ZBTB8A: variants seen among roughly 807,000 people sequenced by gnomAD.
The protein encoded by ZBTB8A is zinc finger and BTB domain containing 8A, also known as zinc finger and BTB domain-containing protein 8A.
ZBTB8A carries 19 observed loss-of-function variants against 37.8 expected under a neutral mutation model. The ratio of observed to expected loss-of-function variants is 0.50; its 90% CI spans 0.35 to 0.74. ZBTB8A has a LOEUF of 0.74. ZBTB8A is among the 30% of genes least tolerant of loss of function. The pLI is 0.01. For synonymous variants in ZBTB8A, 181 were observed against 185.2 expected (o/e 0.98, Z 0.19); for missense variants, 394 against 537.8 (o/e 0.73, Z 2.65).
intron 2 of ZBTB8A, among the ~76,000 whole-genome samples, chr1:32,563,463 C>CT (rs1164183027): frequency 6.6e-6 from 1 of 151,840 alleles, no homozygotes; most frequent in Non-Finnish European, 1.5e-5. Context: ...CTTTTTCTTT[C>CT]TTTTTTTTCT....
chr1:32,580,432 C>A (rs1312286589), intron 2 of ZBTB8A, among the ~76,000 whole-genome samples: 1 of 151,864 alleles, frequency 6.6e-6, no homozygotes, highest in African/African-American at 2.4e-5. Context: ...TGCCTATAGT[C>A]CCAGCTATTA....
In ZBTB8A at chr1:32,593,562, A is replaced by G. The variant is rs751583612; in HGVS notation, c.631A>G (p.Lys211Glu). The change falls in exon 3 of 5, where the codon AAA becomes GAA. Residue 211 changes from lysine (K) to glutamate (E), a missense_variant. Around this residue, in one of 4 missense-constraint regions of ZBTB8A, gnomAD observed 171 missense variants for 186.8 expected, o/e 0.92. Coordinates refer to ENST00000373510, the MANE Select transcript of ZBTB8A (RefSeq NM_001040441.3). ...EPRKESIKKT[K>E]HLRLSQPSEV... ...AAGGAAAGAGTCCATTAAAAAGACCAAACATTTGAGATTGTCACAGCCTTC... is the reference window on the plus strand; with the variant it reads ...AAGGAAAGAGTCCATTAAAAAGACCGAACATTTGAGATTGTCACAGCCTTC... 6.2e-7 allele frequency: 1 copy of G among 1,614,246 alleles called. No homozygotes were observed. The highest frequency in any genetic ancestry group is 8.5e-7 in the Non-Finnish European group (1 of 1,180,038).
rs1457404032 is a variant in ZBTB8A at position 32,539,532 on chromosome 1, TCGGCCCGCGCGCGCGAC to T, written c.-118_-102del. 12 of 150,882 alleles carry T rather than the reference TCGGCCCGCGCGCGCGAC, an allele frequency of 8.0e-5. No homozygotes were observed. Among genetic ancestry groups the T allele is most frequent in the African/African-American group, 1.7e-4 (7 of 41,144 alleles). The allele number at this position is 150,882 out of a possible 1,614,324, so 9.3% of individuals were successfully genotyped here. On this transcript the variant is annotated 5_prime_UTR_variant, in exon 1 of 5. Transcript: ENST00000373510. ...CCAGCCGAGAACCAGGAATCTTCCC[TCGGCCCGCGCGCGCGAC>T]CGGCCGGTGCGCCGCGGCCCGCGGT...
chr1:32,569,593 C>T (rs1035309439), intron 2 of ZBTB8A, among the ~76,000 whole-genome samples: 4 of 151,626 alleles, frequency 2.6e-5, no homozygotes, highest in African/African-American at 7.3e-5. Context: ...GTTGTTTCAC[C>T]GTGTTAGCCA....
At chr1:32,546,764 C>G (rs925987988) in intron 1 of ZBTB8A, among the ~76,000 whole-genome samples, 2 of 152,192 alleles carry the variant, frequency 1.3e-5, no homozygotes, top group Admixed American at 1.3e-4. Context: ...TGCTTTGAAT[C>G]CTGTGGCTCT....
chr1:32,549,845 CT>C (rs1570312619), intron 1 of ZBTB8A, among the ~76,000 whole-genome samples: 1 of 152,316 alleles, frequency 6.6e-6, no homozygotes, highest in East Asian at 1.9e-4. Context: ...AATCATGAAG[CT>C]TTTGACACTG....
intron 4 of ZBTB8A, among the ~76,000 whole-genome samples, chr1:32,596,905 A>G (rs1050161642): frequency 6.6e-6 from 1 of 152,180 alleles, no homozygotes; most frequent in African/African-American, 2.4e-5. Flanking sequence ...TCACCACTGT[A>G]GATACTCAGC....
intron 2 of ZBTB8A, among the ~76,000 whole-genome samples, chr1:32,559,542 C>T (rs1401454548): frequency 6.6e-6 from 1 of 152,080 alleles, no homozygotes; most frequent in Non-Finnish European, 1.5e-5. Flanking sequence ...CGGCTCGCTG[C>T]AGCCTCAACC....
intron 2 of ZBTB8A, among the ~76,000 whole-genome samples, chr1:32,563,078 A>G (rs1328966635): frequency 6.6e-6 from 1 of 152,170 alleles, no homozygotes; most frequent in Non-Finnish European, 1.5e-5. Context: ...ACATCCTTAC[A>G]AGGTACTTTA....
chr1:32,562,568 GCTTT>G, intron 2 of ZBTB8A, among the ~76,000 whole-genome samples: 1 of 137,556 alleles, frequency 7.3e-6, no homozygotes, highest in South Asian at 2.3e-4. Flanking sequence ...ACCGCGTCCG[GCTTT>G]TTTTTTTTTT....
intron 1 of ZBTB8A, among the ~76,000 whole-genome samples, chr1:32,541,986 T>C (rs1570300915): frequency 6.6e-6 from 1 of 152,318 alleles, no homozygotes; most frequent in Middle Eastern, 3.4e-3. Flanking sequence ...GTGCGTTTAA[T>C]GGGGTATTAA....
chr1:32,566,134 G>A lies in ZBTB8A; in HGVS notation c.-2+12594G>A, dbSNP rs564752009. ...GGAGAATGGCGTGAACCCAGGAGGC[G>A]GAGCTTGCAGTGAGCCAAGATCGTG... On this transcript the variant is annotated intron_variant, in intron 2 of 4. Transcript: ENST00000373510. Among the ~76,000 whole-genome samples the A allele has an allele frequency of 1.8e-3, 270 of 151,758 alleles. 1 individual carries two copies. The highest frequency in any genetic ancestry group is 2.9e-3 in the Non-Finnish European group (196 of 67,922).
In ZBTB8A at chr1:32,605,690, G is replaced by A. The variant is rs974960944; in HGVS notation, c.*5271G>A. On this transcript the variant is annotated 3_prime_UTR_variant, in exon 5 of 5. Coordinates refer to ENST00000373510, the MANE Select transcript of ZBTB8A (RefSeq NM_001040441.3). ...ACTGCACTCCAGGCTGGGTGACAGA[G>A]CGAGACTCCACCTCAAAAAAAAAAA... 8.0e-6 allele frequency: 1 copy of A among 124,318 alleles called. No homozygotes were observed. The highest frequency in any genetic ancestry group is 1.6e-5 in the Non-Finnish European group (1 of 64,312). 7.7% of individuals were successfully genotyped at this position (124,318 alleles called of 1,614,324 possible).
chr1:32,554,291 A>T (rs935697381), intron 2 of ZBTB8A, among the ~76,000 whole-genome samples: 1 of 150,636 alleles, frequency 6.6e-6, no homozygotes, highest in Admixed American at 6.6e-5. Flanking sequence ...ACTGTCTAAG[A>T]TGTTCAGCGT....
chr1:32,547,714 GGGA>G (rs1175927871), intron 1 of ZBTB8A, among the ~76,000 whole-genome samples: 2 of 149,596 alleles, frequency 1.3e-5, no homozygotes, highest in African/African-American at 4.9e-5. Context: ...AGGCTGAGGT[GGGA>G]GGATCACCTG....
intron 2 of ZBTB8A, among the ~76,000 whole-genome samples, chr1:32,589,542 C>T (rs549232222): frequency 2.7e-5 from 4 of 150,042 alleles, no homozygotes; most frequent in South Asian, 2.1e-4. Flanking sequence ...TGAGCCACCG[C>T]GCCCAGCCTG....
rs1644501278 is a variant in ZBTB8A, at chr1:32,592,970, A to G, written c.39A>G (p.Gln13=). Residue 13 remains glutamine (Q), a synonymous_variant, in exon 3 of 5, where the codon CAA becomes CAG. Transcript: ENST00000373510. The part of the protein sequence containing the change: ...ISSHQSHLLQ[Q]LNEQRRQDVF... ...CTCATCAGTCTCACCTCCTGCAGCA[A>G]CTGAACGAGCAGCGCAGGCAAGATG... The G allele has an allele frequency of 1.9e-6, 3 of 1,613,678 alleles. No individual in the cohort carries two copies. The highest frequency in any genetic ancestry group is 2.5e-6 in the Non-Finnish European group (3 of 1,179,732).
At position 32,589,731 on chromosome 1, in the gene ZBTB8A, T is replaced by C. The variant is rs568923307; in HGVS notation, c.-1-3200T>C. Among the ~76,000 whole-genome samples, 3 of 151,668 alleles carry C rather than the reference T, an allele frequency of 2.0e-5. No homozygotes were observed. In the South Asian group the frequency reaches 6.2e-4, roughly 32 times the overall value. On this transcript the variant is annotated intron_variant, in intron 2 of 4. Coordinates refer to ENST00000373510, the MANE Select transcript of ZBTB8A (RefSeq NM_001040441.3). ...TGCCTGGCTGATTTTTTGGTATTTT[T>C]AGTAGAGACGGGGTTTCACCATGCT... is the stretch of plus-strand genomic sequence containing the variant.
intron 1 of ZBTB8A, among the ~76,000 whole-genome samples, chr1:32,543,420 T>C (rs74832885): frequency 4.8e-4 from 73 of 152,184 alleles, no homozygotes; most frequent in Non-Finnish European, 9.7e-4. Context: ...ATTTACCCAT[T>C]TTAAAGTGTA....
Sources: allele counts gnomAD v4.1 joint callset (sites outside exome capture counted in the v4.1 genomes callset), GRCh38; gene constraint gnomAD v4.1.1; regional missense constraint gnomAD v4.1.1; transcripts MANE v1.5; gene names NCBI Gene and HGNC (gene_info 2026-07-23, HGNC 2026-07-21).